HEG1: variants seen among roughly 807,000 people sequenced by gnomAD.
HEG1 encodes protein HEG homolog 1.
Under a neutral mutation model 125.6 loss-of-function variants are expected in HEG1, and 56 were observed. That is an observed-to-expected ratio of 0.45 (90% CI 0.36 to 0.56). The LOEUF (loss-of-function observed/expected upper bound fraction) is 0.56, where lower values mean the gene tolerates loss of function less well. Among genes scored for constraint, HEG1 ranks in the 20% least tolerant of loss-of-function variants. The pLI is 0.00. For synonymous variants in HEG1, 644 were observed against 668.5 expected, an observed-to-expected ratio of 0.96 and a Z score of 0.57; for missense variants, 1,523 against 1,670.0, an observed-to-expected ratio of 0.91 and a Z score of 1.53.
intron 1 of HEG1, among the ~76,000 whole-genome samples, chr3:125,051,203 A>G (rs1395700946): frequency 6.6e-6 from 1 of 152,228 alleles, no homozygotes; most frequent in African/African-American, 2.4e-5. Flanking sequence ...TGTCTCAGGT[A>G]ATTTCAAACA....
intron 14 of HEG1, among the ~76,000 whole-genome samples, chr3:124,989,687 C>T (rs1024064633): frequency 3.3e-5 from 5 of 152,192 alleles, no homozygotes; most frequent in Admixed American, 3.3e-4. Context: ...TCTACTTCCA[C>T]CTGGAGCAGA....
intron 14 of HEG1, among the ~76,000 whole-genome samples, chr3:124,988,881 A>C (rs1936787373): frequency 6.6e-6 from 1 of 152,174 alleles, no homozygotes; most frequent in Non-Finnish European, 1.5e-5. Flanking sequence ...CGTGCCACTG[A>C]ACTCCAGCCT....
At chr3:125,054,754 G>C (rs970814231) in intron 1 of HEG1, among the ~76,000 whole-genome samples, 1 of 152,212 alleles carries the variant, frequency 6.6e-6, no homozygotes, top group African/African-American at 2.4e-5. Flanking sequence ...AGAAGGAACA[G>C]GGATCATCAC....
intron 12 of HEG1, among the ~76,000 whole-genome samples, chr3:124,991,980 G>T (rs1343509088): frequency 3.9e-5 from 6 of 152,008 alleles, no homozygotes; most frequent in Non-Finnish European, 7.4e-5. Context: ...ATGTCCCCTG[G>T]GGAAACTCCT....
At position 125,027,247 on chromosome 3, in the gene HEG1, A is replaced by G; in HGVS notation, c.871T>C (p.Tyr291His). ...AGAGGAGAGGAAGCTGCTGTCCTGT[A>G]GAAATGCAGCCAGGAGAGATCTGGT... is the stretch of plus-strand genomic sequence containing the variant. ...SGPDLSWLHF[Y>H]RTAASSPLLD... The change falls in exon 3 of 17, where the codon TAC becomes CAC. Residue 291 changes from tyrosine to histidine, a missense_variant. Coordinates refer to ENST00000311127, the MANE Select transcript of HEG1 (RefSeq NM_020733.2). 1 of 1,612,350 alleles carries G rather than the reference A, an allele frequency of 6.2e-7. No individual in the cohort carries two copies. Among genetic ancestry groups the G allele is most frequent in the Non-Finnish European group, 8.5e-7 (1 of 1,179,250 alleles).
At chr3:125,005,185 C>A in intron 9 of HEG1, 80 bp downstream of exon 9, 2 of 814,204 alleles carry the variant, frequency 2.5e-6, no homozygotes, top group Non-Finnish European at 4.0e-6. Flanking sequence ...CACAGCTGAC[C>A]GCTAGGCAGT....
At position 125,000,598 on chromosome 3, in the gene HEG1, C is replaced by CT. The variant is rs1210356098; in HGVS notation, c.3517+1253dup. Among the ~76,000 whole-genome samples the CT allele has an allele frequency of 6.8e-3, 994 of 145,794 alleles. 11 individuals carry two copies. Among genetic ancestry groups the CT allele is most frequent in the African/African-American group, 0.015 (604 of 40,054 alleles). On this transcript the variant is annotated intron_variant, in intron 11 of 16. Transcript: ENST00000311127. The stretch of plus-strand genomic sequence containing the variant: ...GTAACTTCAACTTCAGAAAGTTTAG[C>CT]TTTTTTTTTTTTTCTCAGATTAATA...
Position 125,023,511 on chromosome 3 carries a change from T to C in HEG1, c.914-2381A>G, listed in dbSNP as rs112149992. ...GCAAGGCATTGGGCGAAGTACATTG[T>C]ATACAAATCTCATTTAATCCTCACG... On this transcript the variant is annotated intron_variant, in intron 3 of 16. Coordinates refer to ENST00000311127, the MANE Select transcript of HEG1 (RefSeq NM_020733.2). 3.9e-4 allele frequency among the ~76,000 whole-genome samples: 60 copies of C among 152,324 alleles called. 1 individual carries two copies. The highest frequency in any genetic ancestry group is 1.3e-3 in the African/African-American group (55 of 41,574).
At chr3:125,032,925 G>A (rs959889182) in intron 1 of HEG1, among the ~76,000 whole-genome samples, 1 of 152,124 alleles carries the variant, frequency 6.6e-6, no homozygotes, top group Non-Finnish European at 1.5e-5. Flanking sequence ...GGAAGTCCCA[G>A]AGCCCATTCA....
At chr3:125,041,176 G>T (rs1379375818) in intron 1 of HEG1, among the ~76,000 whole-genome samples, 1 of 152,162 alleles carries the variant, frequency 6.6e-6, no homozygotes, top group South Asian at 2.1e-4. Context: ...CCGGCGTGTG[G>T]CAAGCTCTAC....
chr3:124,981,424 C>G (rs2107688685), intron 14 of HEG1, among the ~76,000 whole-genome samples: 1 of 152,270 alleles, frequency 6.6e-6, no homozygotes, highest in African/African-American at 2.4e-5. Context: ...GGTCCAGTAA[C>G]AGTTCACACG....
At chr3:124,982,766 G>A (rs1936675636) in intron 14 of HEG1, among the ~76,000 whole-genome samples, 1 of 152,140 alleles carries the variant, frequency 6.6e-6, no homozygotes, top group Admixed American at 6.5e-5. Context: ...TGCAGCCGGG[G>A]GTGGGCACAC....
chr3:124,993,599 C>G (rs1328440559), intron 12 of HEG1, among the ~76,000 whole-genome samples: 3 of 152,192 alleles, frequency 2.0e-5, no homozygotes, highest in African/African-American at 7.2e-5. Flanking sequence ...GGGGCAGCCA[C>G]CGGAAATTGC....
intron 1 of HEG1, among the ~76,000 whole-genome samples, chr3:125,033,581 T>C (rs1383995502): frequency 1.3e-5 from 2 of 152,228 alleles, no homozygotes; most frequent in Non-Finnish European, 2.9e-5. Flanking sequence ...TATGTCACAT[T>C]ACCTCTGTGG....
intron 5 of HEG1, among the ~76,000 whole-genome samples, chr3:125,017,961 G>A (rs1434158457): frequency 3.3e-5 from 5 of 151,950 alleles, no homozygotes; most frequent in Admixed American, 2.0e-4. Flanking sequence ...CCCGGAAGTC[G>A]GAGATTGCAG....
intron 5 of HEG1, among the ~76,000 whole-genome samples, chr3:125,016,282 C>T (rs894138296): frequency 4.6e-5 from 7 of 152,146 alleles, no homozygotes; most frequent in African/African-American, 1.4e-4. Context: ...CAGAACCCCG[C>T]CAGCTTTGGG....
chr3:125,016,274 GA>G (rs1245080581), intron 5 of HEG1, among the ~76,000 whole-genome samples: 2 of 152,204 alleles, frequency 1.3e-5, no homozygotes, highest in African/African-American at 4.8e-5. Context: ...CCGGAGTGCA[GA>G]ACCCCGCCAG....
At chr3:124,981,317 T>C (rs1191637792) in intron 14 of HEG1, among the ~76,000 whole-genome samples, 1 of 151,078 alleles carries the variant, frequency 6.6e-6, no homozygotes, top group African/African-American at 2.4e-5. Context: ...ATAATAAAAC[T>C]CTTTTCCAAG....
rs143069025 is a variant in HEG1 at position 125,051,486 on chromosome 3, T to A, written c.316+4089A>T. On this transcript the variant is annotated intron_variant, in intron 1 of 16. Transcript: ENST00000311127. The stretch of plus-strand genomic sequence containing the variant: ...TCTATTAAAATCCTGCCGCCTCCAT[T>A]TACCGTGTGATCTAACCTCTCCAGG... 4.8e-3 allele frequency among the ~76,000 whole-genome samples: 732 copies of A among 152,334 alleles called. 8 individuals carry two copies. Among genetic ancestry groups the A allele is most frequent in the Non-Finnish European group, 5.0e-3 (341 of 68,034 alleles).
Sources: allele counts gnomAD v4.1 joint callset (sites outside exome capture counted in the v4.1 genomes callset), GRCh38; gene constraint gnomAD v4.1.1; transcripts MANE v1.5; gene names NCBI Gene and HGNC (gene_info 2026-07-23, HGNC 2026-07-21).